The following NRXN3 variants were observed in gnomAD, a reference collection of about 807,000 sequenced individuals.
NRXN3 encodes the protein neurexin 3.
Under a neutral mutation model 137.6 loss-of-function variants are expected in NRXN3, and 32 were observed. That is an observed-to-expected ratio of 0.23 (90% CI 0.18 to 0.31). The LOEUF (loss-of-function observed/expected upper bound fraction) is 0.31. NRXN3 is among the 10% of genes least tolerant of loss of function. The pLI, the probability that NRXN3 is intolerant of heterozygous loss-of-function variation, is 1.00. For missense variants in NRXN3, 1,574 were observed against 2,062.5 expected (o/e 0.76, Z 4.59); for synonymous variants, 798 against 784.5 (o/e 1.02, Z -0.29).
chr14:79,721,331 T>C (rs1165824989), intron 19 of NRXN3, among the ~76,000 whole-genome samples: 1 of 152,112 alleles, frequency 6.6e-6, no homozygotes, highest in South Asian at 2.1e-4. Flanking sequence ...AGGTGGGTGG[T>C]ATGTGAGCCT....
chr14:79,695,570 G>A lies in NRXN3; in HGVS notation c.3707-2060G>A, dbSNP rs149341163. Among the ~76,000 whole-genome samples the A allele has an allele frequency of 8.7e-3, 1,314 of 151,442 alleles. 19 individuals are homozygous for A. The highest frequency in any genetic ancestry group is 0.024 in the Middle Eastern group (7 of 294). On this transcript the variant is annotated intron_variant, in intron 18 of 20. Coordinates refer to ENST00000335750, the MANE Select transcript of NRXN3 (RefSeq NM_001330195.2). ...TAAGCTGCTTCAAATGCCTCTGTGGGGTTGAGGGAGAATTTATTTTCCCCT... is the reference window on the plus strand; with the variant it reads ...TAAGCTGCTTCAAATGCCTCTGTGGAGTTGAGGGAGAATTTATTTTCCCCT...
chr14:78,449,100 G>T (rs538033419), intron 4 of NRXN3, among the ~76,000 whole-genome samples: 1 of 152,104 alleles, frequency 6.6e-6, no homozygotes, highest in African/African-American at 2.4e-5. Flanking sequence ...CATTCCCTCC[G>T]CAGCCTCCTA....
intron 8 of NRXN3, among the ~76,000 whole-genome samples, chr14:78,725,063 A>C (rs1344870615): frequency 6.6e-6 from 1 of 152,216 alleles, no homozygotes; most frequent in East Asian, 1.9e-4. Context: ...TCAAAATGAC[A>C]AACCCCAACA....
chr14:79,402,881 GACAA>G (rs910270589), intron 15 of NRXN3, among the ~76,000 whole-genome samples: 13 of 152,104 alleles, frequency 8.5e-5, no homozygotes, highest in South Asian at 2.1e-4. Flanking sequence ...TTGTACAAAA[GACAA>G]ACAATTATTT....
intron 14 of NRXN3, among the ~76,000 whole-genome samples, chr14:78,974,586 G>A (rs185593137): frequency 6.6e-6 from 1 of 152,258 alleles, no homozygotes; most frequent in East Asian, 1.9e-4. Flanking sequence ...AAGCTGTCTA[G>A]GCATCAATAT....
At chr14:79,448,198 C>T (rs932163196) in intron 15 of NRXN3, among the ~76,000 whole-genome samples, 2 of 152,146 alleles carry the variant, frequency 1.3e-5, no homozygotes, top group Non-Finnish European at 2.9e-5. Flanking sequence ...GCCCTTTACC[C>T]TTATTTCCTC....
At chr14:79,093,586 T>C (rs1377797485) in intron 15 of NRXN3, among the ~76,000 whole-genome samples, 1 of 152,182 alleles carries the variant, frequency 6.6e-6, no homozygotes, top group Non-Finnish European at 1.5e-5. Flanking sequence ...TCAAAAGTCA[T>C]TTCTTGCTTT....
At chr14:79,738,147 G>T (rs77417878) in intron 19 of NRXN3, among the ~76,000 whole-genome samples, 5,116 of 152,132 alleles carry the variant, frequency 0.034, 286 homozygotes, top group African/African-American at 0.12. Context: ...ATCTTCCAAG[G>T]ATAATTTCTT....
chr14:78,434,734 T>C (rs2094004178), intron 4 of NRXN3, among the ~76,000 whole-genome samples: 1 of 152,168 alleles, frequency 6.6e-6, no homozygotes, highest in Admixed American at 6.5e-5. Flanking sequence ...AAAAGAATAC[T>C]GCTGACCATG....
intron 16 of NRXN3, among the ~76,000 whole-genome samples, chr14:79,621,591 T>C (rs551608611): frequency 6.6e-6 from 1 of 152,312 alleles, no homozygotes; most frequent in South Asian, 2.1e-4. Flanking sequence ...GGACAGACTC[T>C]TGGGAGGGAA....
At chr14:79,599,323 A>C (rs982328654) in intron 16 of NRXN3, among the ~76,000 whole-genome samples, 1 of 152,154 alleles carries the variant, frequency 6.6e-6, no homozygotes, top group East Asian at 1.9e-4. Flanking sequence ...CTCCCTGATA[A>C]GCATCTGTGT....
chr14:78,448,328 A>T (rs1598801300), intron 4 of NRXN3, among the ~76,000 whole-genome samples: 1 of 152,220 alleles, frequency 6.6e-6, no homozygotes, highest in East Asian at 1.9e-4. Context: ...AATATTACAC[A>T]GCACTCATGG....
chr14:78,467,829 C>T (rs2095154835), intron 4 of NRXN3, among the ~76,000 whole-genome samples: 1 of 152,200 alleles, frequency 6.6e-6, no homozygotes, highest in South Asian at 2.1e-4. Context: ...CACAGACACA[C>T]ATACACACAC....
At chr14:78,286,711 G>A (rs1343346462) in intron 3 of NRXN3, among the ~76,000 whole-genome samples, 1 of 152,190 alleles carries the variant, frequency 6.6e-6, no homozygotes, top group East Asian at 1.9e-4. Context: ...ATGGAGGGCA[G>A]GGCAGAGAGA....
chr14:79,274,293 C>T (rs1441944069), intron 15 of NRXN3, among the ~76,000 whole-genome samples: 1 of 151,782 alleles, frequency 6.6e-6, no homozygotes, highest in African/African-American at 2.4e-5. Context: ...GCAGTGGTCC[C>T]CATACCTATT....
intron 10 of NRXN3, among the ~76,000 whole-genome samples, chr14:78,877,243 A>G (rs1269744161): frequency 1.3e-5 from 2 of 152,194 alleles, no homozygotes; most frequent in African/African-American, 2.4e-5. Context: ...CTGGGGTGCT[A>G]TGAGGATCGG....
In NRXN3 at chr14:78,338,650, T is replaced by C. The variant is rs1469071098; in HGVS notation, c.757+40790T>C. 2.0e-5 allele frequency among the ~76,000 whole-genome samples: 3 copies of C among 152,178 alleles called. No individual in the cohort carries two copies. The East Asian group carries it at 5.8e-4, about 29-fold the overall frequency. On this transcript the variant is annotated intron_variant, in intron 4 of 20. Transcript: ENST00000335750. ...CTTGGGGACAGGGGAAGTATATCAG[T>C]TATTTATTGCTGCACAACGAAGTGA...
At chr14:78,560,139 C>T (rs2096773637) in intron 4 of NRXN3, among the ~76,000 whole-genome samples, 1 of 152,150 alleles carries the variant, frequency 6.6e-6, no homozygotes, top group Non-Finnish European at 1.5e-5. Context: ...ATTTTCTATT[C>T]TAATAGGGTG....
At chr14:78,776,556 T>C (rs1242668120) in intron 8 of NRXN3, among the ~76,000 whole-genome samples, 4 of 152,226 alleles carry the variant, frequency 2.6e-5, no homozygotes, top group African/African-American at 9.6e-5. Context: ...GCTCAGAATA[T>C]AAAATGTGTA....
Sources: gnomAD v4.1 joint callset for allele counts (sites outside exome capture counted in the v4.1 genomes callset) on GRCh38, gnomAD v4.1.1 for gene constraint, MANE v1.5 for transcripts, NCBI Gene and HGNC (gene_info 2026-07-23, HGNC 2026-07-21) for gene names.